LRRC7: variants seen among roughly 807,000 people sequenced by gnomAD.
LRRC7 encodes the protein leucine-rich repeat-containing protein 7.
A neutral mutation model predicts 175.7 loss-of-function variants in LRRC7; 23 were observed. That is an observed-to-expected ratio of 0.13 (90% CI 0.09 to 0.19). LRRC7 has a LOEUF of 0.19. LRRC7 is among the 10% of genes least tolerant of loss of function. The pLI is 1.00. For missense variants in LRRC7, 1,354 were observed against 1,904.7 expected (o/e 0.71, Z 5.38); for synonymous variants, 685 against 680.9 (o/e 1.01, Z -0.09).
chr1:69,916,827 A>C (rs540544666), intron 7 of LRRC7, among the ~76,000 whole-genome samples: 1 of 152,270 alleles, frequency 6.6e-6, no homozygotes, highest in African/African-American at 2.4e-5. Context: ...AAAACAACAA[A>C]TAAACAAATA....
chr1:69,750,274 C>A (rs1226377653), intron 2 of LRRC7, among the ~76,000 whole-genome samples: 3 of 151,674 alleles, frequency 2.0e-5, no homozygotes, highest in Non-Finnish European at 4.4e-5. Context: ...AGCAAGGAAA[C>A]TCTTATTTAG....
Position 69,865,469 on chromosome 1 carries a change from C to CTTTTTTTTTTTTTTTTTTT in LRRC7, c.647+27193_647+27211dup, listed in dbSNP as rs532063540. On this transcript the variant is annotated intron_variant, in intron 7 of 26. Coordinates refer to ENST00000651989, the MANE Select transcript of LRRC7 (RefSeq NM_001370785.2). ...ATAAGCAAGCTGCTGAAGACAGTTC[C>CTTTTTTTTTTTTTTTTTTT]TTTTTTTTTTTTTTTTTTTTTTTTT... 6.9e-3 allele frequency among the ~76,000 whole-genome samples: 356 copies of CTTTTTTTTTTTTTTTTTTT among 51,252 alleles called. 76 individuals carry two copies. The highest frequency in any genetic ancestry group is 0.011 in the African/African-American group (135 of 12,322). 33.6% of individuals were successfully genotyped at this position (51,252 alleles called of 152,430 possible). A position where few individuals can be genotyped will look rare whatever the true frequency, so the allele number is the denominator to read the frequency against.
intron 3 of LRRC7, among the ~76,000 whole-genome samples, chr1:69,778,928 T>G (rs1195364728): frequency 7.6e-6 from 1 of 132,160 alleles, no homozygotes; most frequent in Non-Finnish European, 1.6e-5. Flanking sequence ...ACACACACAC[T>G]CATATATATA....
intron 2 of LRRC7, among the ~76,000 whole-genome samples, chr1:69,709,687 A>G (rs1358370734): frequency 1.3e-5 from 2 of 152,214 alleles, no homozygotes; most frequent in African/African-American, 4.8e-5. Context: ...AATACTCTGT[A>G]TGATAGAGAG....
chr1:69,639,802 C>A (rs1342388910), intron 1 of LRRC7, among the ~76,000 whole-genome samples: 1 of 151,434 alleles, frequency 6.6e-6, no homozygotes. Context: ...TCAATACCTA[C>A]AAATGCAAAA....
chr1:69,668,417 T>G (rs938681497), intron 1 of LRRC7, among the ~76,000 whole-genome samples: 5 of 152,190 alleles, frequency 3.3e-5, no homozygotes, highest in Admixed American at 6.5e-5. Flanking sequence ...GTTCCTGTGT[T>G]AGTTTGCTGA....
At chr1:69,650,539 CAAA>C (rs574357981) in intron 1 of LRRC7, among the ~76,000 whole-genome samples, 2 of 79,210 alleles carry the variant, frequency 2.5e-5, no homozygotes, top group African/African-American at 5.3e-5. Flanking sequence ...GACTCCGTCT[CAAA>C]AAAAAAAAAA....
At chr1:69,914,189 AT>A (rs1557882030) in intron 7 of LRRC7, among the ~76,000 whole-genome samples, 1 of 152,192 alleles carries the variant, frequency 6.6e-6, no homozygotes, top group African/African-American at 2.4e-5. Flanking sequence ...CATGCCAAAA[AT>A]TTGCAGAATC....
intron 1 of LRRC7, among the ~76,000 whole-genome samples, chr1:69,644,419 T>A (rs1654700314): frequency 6.6e-6 from 1 of 152,044 alleles, no homozygotes; most frequent in Non-Finnish European, 1.5e-5. Context: ...CTGTCTCTCT[T>A]TTTAAAGTCT....
chr1:69,852,084 C>T (rs1265237559), intron 7 of LRRC7, among the ~76,000 whole-genome samples: 1 of 151,938 alleles, frequency 6.6e-6, no homozygotes, highest in Non-Finnish European at 1.5e-5. Flanking sequence ...GCTACTCTCT[C>T]TACAAAGTGT....
In LRRC7 at chr1:69,759,728, A is replaced by C. The variant is rs189585549; in HGVS notation, c.101-463A>C. On this transcript the variant is annotated intron_variant, in intron 2 of 26. Transcript: ENST00000651989. ...GAAATTTGTGGGCTACAAAGAGTAC[A>C]TCATAAACTTTGGGATTGAAACATG... 7.9e-5 allele frequency among the ~76,000 whole-genome samples: 12 copies of C among 152,166 alleles called. No individual in the cohort carries two copies. In the East Asian group the frequency reaches 2.3e-3, roughly 29 times the overall value.
chr1:69,883,668 T>C, intron 7 of LRRC7, among the ~76,000 whole-genome samples: 1 of 98,812 alleles, frequency 1.0e-5, no homozygotes, highest in Non-Finnish European at 2.1e-5. Flanking sequence ...CTTTTGGTGT[T>C]TTAGACATGA....
In LRRC7 at chr1:70,137,626, C is replaced by T. The variant is rs1300784603; in HGVS notation, c.*15739C>T. Among the ~76,000 whole-genome samples the T allele has an allele frequency of 6.6e-6, 1 of 152,212 alleles. No homozygotes were observed. The highest frequency in any genetic ancestry group is 1.5e-5 in the Non-Finnish European group (1 of 67,996). On this transcript the variant is annotated 3_prime_UTR_variant, in exon 27 of 27. Transcript: ENST00000651989. ...CAGTAAGAAATGCAACTTGAACAGC[C>T]CCTGAGATAAAATTTTCTAGGAAGT...
chr1:69,987,177 G>A (rs568714320), intron 10 of LRRC7, among the ~76,000 whole-genome samples: 3 of 152,230 alleles, frequency 2.0e-5, no homozygotes, highest in South Asian at 2.1e-4. Flanking sequence ...CCCAGGAGGC[G>A]GTGGTTGCAG....
At chr1:69,813,101 A>G (rs1046424034) in intron 4 of LRRC7, among the ~76,000 whole-genome samples, 1 of 152,088 alleles carries the variant, frequency 6.6e-6, no homozygotes, top group Non-Finnish European at 1.5e-5. Flanking sequence ...CCCCATCAGA[A>G]CCACCAATCC....
At chr1:69,905,809 T>C (rs976257639) in intron 7 of LRRC7, among the ~76,000 whole-genome samples, 62 of 152,218 alleles carry the variant, frequency 4.1e-4, no homozygotes, top group Non-Finnish European at 2.9e-4. Context: ...TATTTCTAAT[T>C]CTAGATCCCT....
At chr1:69,867,015 G>C (rs1416935264) in intron 7 of LRRC7, among the ~76,000 whole-genome samples, 1 of 152,026 alleles carries the variant, frequency 6.6e-6, no homozygotes, top group Admixed American at 6.5e-5. Flanking sequence ...AAATAAACTA[G>C]CAAAGTCTCT....
rs566522684 is a variant in LRRC7 at position 70,125,483 on chromosome 1, T to A, written c.*3596T>A. 6.6e-6 allele frequency among the ~76,000 whole-genome samples: 1 copy of A among 152,312 alleles called. No individual in the cohort carries two copies. The highest frequency in any genetic ancestry group is 2.4e-5 in the African/African-American group (1 of 41,582). The stretch of plus-strand genomic sequence containing the variant: ...CTTATTTAAAAATAGGACTGACATA[T>A]CTTTCAACTGGTGAGCTAAAGAGAG... On this transcript the variant is annotated 3_prime_UTR_variant, in exon 27 of 27. Coordinates refer to ENST00000651989, the MANE Select transcript of LRRC7 (RefSeq NM_001370785.2).
chr1:69,691,464 C>G (rs1661851700), intron 2 of LRRC7, among the ~76,000 whole-genome samples: 3 of 151,904 alleles, frequency 2.0e-5, no homozygotes. Flanking sequence ...AGTCATCACT[C>G]TAATAAAGTT....
Sources: allele counts gnomAD v4.1 joint callset (sites outside exome capture counted in the v4.1 genomes callset), GRCh38; gene constraint gnomAD v4.1.1; transcripts MANE v1.5; gene names NCBI Gene and HGNC (gene_info 2026-07-23, HGNC 2026-07-21).